ADORA2B: variants seen among roughly 807,000 people sequenced by gnomAD.
The protein encoded by ADORA2B is adenosine A2b receptor, also known as adenosine receptor A2b.
Under a neutral mutation model 20.8 loss-of-function variants are expected in ADORA2B, and 18 were observed. The observed-to-expected ratio is 0.87, with a 90% confidence interval of 0.60 to 1.29. ADORA2B has a LOEUF of 1.29. ADORA2B is among the 50% of genes most tolerant of loss of function. The pLI, the probability that ADORA2B is intolerant of heterozygous loss-of-function variation, is 0.00. For synonymous variants in ADORA2B, 179 were observed against 178.3 expected (o/e 1.00, Z -0.03); for missense variants, 441 against 422.7 (o/e 1.04, Z -0.38).
In ADORA2B at chr17:15,958,615, G is replaced by A. The variant is rs1027320762; in HGVS notation, c.335+13032G>A. Among the ~76,000 whole-genome samples the A allele has an allele frequency of 1.5e-4, 23 of 152,128 alleles. No homozygotes were observed. The South Asian group carries it at 3.5e-3, about 23-fold the overall frequency. ...CTCATCCCCGTCCTCTCTTTCCTTC[G>A]TTTCTCTACCCTGACTTCTCAGGAC... On this transcript the variant is annotated intron_variant, in intron 1 of 1. Coordinates refer to ENST00000304222, the MANE Select transcript of ADORA2B (RefSeq NM_000676.4).
At chr17:15,943,756 C>A (rs557058151), upstream of ADORA2B, among the ~76,000 whole-genome samples, 2 of 152,344 alleles carry the variant, frequency 1.3e-5, no homozygotes, top group South Asian at 2.1e-4. Flanking sequence ...AAATTTTTAT[C>A]ACCCTAAAAA....
chr17:15,971,821 C>T (rs1024744663), intron 1 of ADORA2B, among the ~76,000 whole-genome samples: 12 of 151,914 alleles, frequency 7.9e-5, no homozygotes, highest in Admixed American at 5.2e-4. Context: ...TTAGGAGAGA[C>T]GGGGTTTCAC....
At chr17:15,926,667 A>G in the ADORA2B span, among the ~76,000 whole-genome samples, 3 of 152,162 alleles carry the variant, frequency 2.0e-5, no homozygotes, top group African/African-American at 7.2e-5. Flanking sequence ...CCCAGGCCCT[A>G]TCTGAGGAAT....
At position 15,975,372 on chromosome 17, in the gene ADORA2B, T is replaced by TA. The variant is rs780001347; in HGVS notation, c.*31dup. 1.3e-6 allele frequency: 2 copies of TA among 1,586,030 alleles called. No individual in the cohort carries two copies. The highest frequency in any genetic ancestry group is 2.7e-5 in the African/African-American group (2 of 73,836). On this transcript the variant is annotated 3_prime_UTR_variant, in exon 2 of 2. Transcript: ENST00000304222. ...GGCTCTCGCCTCTTCCAGGAGAAGA[T>TA]ACAAATCCACAAGAAACAAAGAGGA...
At chr17:15,928,030 G>A in the ADORA2B span, among the ~76,000 whole-genome samples, 1 of 151,706 alleles carries the variant, frequency 6.6e-6, no homozygotes, top group African/African-American at 2.4e-5. Flanking sequence ...CGGTGGTCTT[G>A]ATCTCCTGAC....
intron 1 of ADORA2B, among the ~76,000 whole-genome samples, chr17:15,964,788 G>A (rs113480116): frequency 0.03 from 4,557 of 151,488 alleles, 288 homozygotes; most frequent in African/African-American, 0.1. Flanking sequence ...CTGGCCGGGC[G>A]CGGTGGCTCA....
the ADORA2B span, among the ~76,000 whole-genome samples, chr17:15,932,891 G>A: frequency 6.6e-6 from 1 of 151,570 alleles, no homozygotes; most frequent in Non-Finnish European, 1.5e-5. Flanking sequence ...TCATTTAAAG[G>A]TAAAAACCTA....
chr17:15,915,176 T>G, the ADORA2B span, among the ~76,000 whole-genome samples: 1 of 152,210 alleles, frequency 6.6e-6, no homozygotes, highest in African/African-American at 2.4e-5. Context: ...GCCTCCTGCA[T>G]TCCTTAGCTT....
the ADORA2B span, among the ~76,000 whole-genome samples, chr17:15,919,954 C>T: frequency 2.0e-5 from 3 of 152,194 alleles, no homozygotes; most frequent in South Asian, 2.1e-4. Flanking sequence ...TTTCAATTAG[C>T]GTCAGCGTGA....
At chr17:15,857,518 G>T in the ADORA2B span, among the ~76,000 whole-genome samples, 1 of 152,216 alleles carries the variant, frequency 6.6e-6, no homozygotes, top group African/African-American at 2.4e-5. Context: ...GCCCGTGAAA[G>T]CAGCTAGAAG....
At chr17:15,935,315 T>C in the ADORA2B span, among the ~76,000 whole-genome samples, 4 of 152,214 alleles carry the variant, frequency 2.6e-5, no homozygotes, top group African/African-American at 9.6e-5. Flanking sequence ...ACATTTTTAC[T>C]AGATAGAGAA....
the ADORA2B span, among the ~76,000 whole-genome samples, chr17:15,936,121 C>T: frequency 6.6e-6 from 1 of 151,970 alleles, no homozygotes; most frequent in Non-Finnish European, 1.5e-5. Flanking sequence ...GAGTGACCTG[C>T]CCTTCTTGCC....
At chr17:15,888,289 A>G in the ADORA2B span, among the ~76,000 whole-genome samples, 1 of 129,666 alleles carries the variant, frequency 7.7e-6, no homozygotes, top group Admixed American at 7.6e-5. Context: ...CATGACTGCC[A>G]TCTGCTCCTT....
the ADORA2B span, among the ~76,000 whole-genome samples, chr17:15,864,350 G>T: frequency 1.3e-5 from 2 of 152,232 alleles, no homozygotes; most frequent in Admixed American, 1.3e-4. Flanking sequence ...TGTATGCAGA[G>T]CTGCATCTCC....
chr17:15,956,276 C>T (rs1969964913), intron 1 of ADORA2B, among the ~76,000 whole-genome samples: 1 of 152,216 alleles, frequency 6.6e-6, no homozygotes. Context: ...AACTCTTCCC[C>T]TCCCCCACCC....
chr17:15,880,561 C>T, the ADORA2B span, among the ~76,000 whole-genome samples: 2 of 140,600 alleles, frequency 1.4e-5, no homozygotes, highest in South Asian at 4.5e-4. Context: ...AAGAGGGACT[C>T]CAAAGACCCA....
At chr17:15,934,167 A>G in the ADORA2B span, among the ~76,000 whole-genome samples, 2 of 152,246 alleles carry the variant, frequency 1.3e-5, no homozygotes, top group South Asian at 2.1e-4. Flanking sequence ...ATTAAATCTT[A>G]TTCATTAAAC....
chr17:15,909,368 A>G, the ADORA2B span, among the ~76,000 whole-genome samples: 1 of 152,216 alleles, frequency 6.6e-6, no homozygotes, highest in Admixed American at 6.5e-5. Context: ...CTAGGTAACA[A>G]TGTTAACACC....
chr17:15,962,566 T>C (rs1470801162), intron 1 of ADORA2B, among the ~76,000 whole-genome samples: 2 of 152,094 alleles, frequency 1.3e-5, no homozygotes, highest in Non-Finnish European at 2.9e-5. Flanking sequence ...AATTACGCGC[T>C]TGTTGCCTGG....
Sources: gnomAD v4.1 joint callset for allele counts (sites outside exome capture counted in the v4.1 genomes callset) on GRCh38, gnomAD v4.1.1 for gene constraint, MANE v1.5 for transcripts, NCBI Gene and HGNC (gene_info 2026-07-23, HGNC 2026-07-21) for gene names.